EXT1: variants seen among roughly 807,000 people sequenced by gnomAD.
EXT1 encodes the protein exostosin glycosyltransferase 1.
Under a neutral mutation model 82.5 loss-of-function variants are expected in EXT1, and 20 were observed. The ratio of observed to expected loss-of-function variants is 0.24; its 90% CI spans 0.17 to 0.35. The LOEUF (loss-of-function observed/expected upper bound fraction) is 0.35. Ranked by LOEUF, EXT1 falls within the 10% of genes least tolerant of loss-of-function variation. The pLI is 1.00. For missense variants in EXT1, 757 were observed against 936.5 expected (o/e 0.81, Z 2.50); for synonymous variants, 348 against 350.8 (o/e 0.99, Z 0.09).
intron 1 of EXT1, among the ~76,000 whole-genome samples, chr8:118,060,835 A>G (rs573577163): frequency 1.4e-4 from 21 of 152,346 alleles, no homozygotes; most frequent in African/African-American, 5.1e-4. Flanking sequence ...TTGGAGCACA[A>G]GTATTATTCT....
chr8:118,066,636 C>T (rs1484317282), intron 1 of EXT1, among the ~76,000 whole-genome samples: 1 of 152,138 alleles, frequency 6.6e-6, no homozygotes, highest in Non-Finnish European at 1.5e-5. Context: ...GCTGGGATTA[C>T]ACATGTGAAC....
chr8:117,945,480 C>T (rs868182001), intron 1 of EXT1, among the ~76,000 whole-genome samples: 12 of 152,154 alleles, frequency 7.9e-5, no homozygotes, highest in African/African-American at 2.4e-4. Flanking sequence ...TTTCCTCTTC[C>T]AGTTGAAGTG....
At chr8:117,971,139 G>T (rs969368880) in intron 1 of EXT1, among the ~76,000 whole-genome samples, 10 of 152,168 alleles carry the variant, frequency 6.6e-5, no homozygotes, top group African/African-American at 2.4e-4. Context: ...CTTGCCCTCA[G>T]CTTCCCGAAA....
intron 1 of EXT1, among the ~76,000 whole-genome samples, chr8:118,010,799 C>T (rs1046337348): frequency 2.0e-5 from 3 of 152,236 alleles, no homozygotes; most frequent in Non-Finnish European, 4.4e-5. Context: ...TCACATCTCA[C>T]TCTTCCTCAC....
At chr8:118,084,262 A>C (rs1817381795) in intron 1 of EXT1, among the ~76,000 whole-genome samples, 1 of 152,184 alleles carries the variant, frequency 6.6e-6, no homozygotes, top group South Asian at 2.1e-4. Flanking sequence ...AACTCTCCCA[A>C]GCTAGAATAA....
chr8:118,103,077 C>T (rs995773733), intron 1 of EXT1, among the ~76,000 whole-genome samples: 12 of 152,244 alleles, frequency 7.9e-5, no homozygotes, highest in African/African-American at 2.6e-4. Context: ...CGCTTGAATC[C>T]GGGAGGAGGA....
chr8:117,973,930 CAAGGAAGGAAGGAAGGAAGGAAGG>C (rs759924955), intron 1 of EXT1, among the ~76,000 whole-genome samples: 4 of 79,500 alleles, frequency 5.0e-5, no homozygotes, highest in South Asian at 5.3e-4. Flanking sequence ...AGGCAGAAAG[CAAGGAAGGAAGGAAGGAAGGAAGG>C]AAGGAAGGAA....
intron 2 of EXT1, among the ~76,000 whole-genome samples, chr8:117,835,967 C>T (rs1321563549): frequency 6.6e-6 from 1 of 152,154 alleles, no homozygotes; most frequent in Admixed American, 6.5e-5. Context: ...AGTGGTTTAC[C>T]CCAATGTCAT....
intron 1 of EXT1, among the ~76,000 whole-genome samples, chr8:117,873,750 C>CA (rs1033885418): frequency 6.6e-6 from 1 of 152,088 alleles, no homozygotes; most frequent in African/African-American, 2.4e-5. Flanking sequence ...GCCACCGCGC[C>CA]CAGTCTCACT....
At chr8:118,063,209 A>C (rs1816913784) in intron 1 of EXT1, among the ~76,000 whole-genome samples, 1 of 152,196 alleles carries the variant, frequency 6.6e-6, no homozygotes, top group South Asian at 2.1e-4. Context: ...TATAGTAAAA[A>C]AAAAATTCAA....
intron 1 of EXT1, among the ~76,000 whole-genome samples, chr8:117,913,576 C>A (rs1278425278): frequency 6.6e-6 from 1 of 152,132 alleles, no homozygotes; most frequent in Non-Finnish European, 1.5e-5. Context: ...AGACGCTAAC[C>A]CAGTTTGGTC....
At chr8:117,951,727 T>C (rs1814495322) in intron 1 of EXT1, among the ~76,000 whole-genome samples, 2 of 152,212 alleles carry the variant, frequency 1.3e-5, no homozygotes, top group Non-Finnish European at 2.9e-5. Context: ...ACGTGGACTA[T>C]GTCAGGTCTA....
chr8:117,803,239 G>A (rs1823192293), intron 10 of EXT1, among the ~76,000 whole-genome samples: 1 of 151,780 alleles, frequency 6.6e-6, no homozygotes, highest in East Asian at 1.9e-4. Context: ...CTGTCACCCA[G>A]CCTGAAGTGC....
At position 117,887,051 on chromosome 8, in the gene EXT1, C is replaced by T. The variant is rs1813158219; in HGVS notation, c.963-49850G>A. 2.0e-5 allele frequency among the ~76,000 whole-genome samples: 3 copies of T among 152,142 alleles called. No individual in the cohort carries two copies. In the South Asian group the frequency reaches 6.2e-4, roughly 31 times the overall value. On this transcript the variant is annotated intron_variant, in intron 1 of 10. Coordinates refer to ENST00000378204, the MANE Select transcript of EXT1 (RefSeq NM_000127.3). ...AATGAAATAAATCATAGTAGGCATG[C>T]CATTGACGATATAGCCTCTGTTTAA...
intron 1 of EXT1, among the ~76,000 whole-genome samples, chr8:118,064,982 A>C (rs1476987629): frequency 6.6e-6 from 1 of 151,528 alleles, no homozygotes; most frequent in Non-Finnish European, 1.5e-5. Flanking sequence ...CCTCCTGAGT[A>C]GCCAGGATTA....
At chr8:117,841,567 G>A (rs754614170) in intron 1 of EXT1, among the ~76,000 whole-genome samples, 5 of 152,124 alleles carry the variant, frequency 3.3e-5, no homozygotes, top group Non-Finnish European at 7.4e-5. Context: ...GTAGGTGAGG[G>A]AGACAACTAA....
At chr8:118,107,681 T>A (rs192556321) in intron 1 of EXT1, among the ~76,000 whole-genome samples, 4 of 152,338 alleles carry the variant, frequency 2.6e-5, no homozygotes, top group African/African-American at 7.2e-5. Flanking sequence ...ATTTGAGAGT[T>A]CTTGCTTCAT....
chr8:118,089,077 A>G (rs1488031059), intron 1 of EXT1, among the ~76,000 whole-genome samples: 1 of 152,182 alleles, frequency 6.6e-6, no homozygotes, highest in Non-Finnish European at 1.5e-5. Context: ...AAATGGAAAA[A>G]ATAAATTGTA....
chr8:117,981,432 C>T (rs1484124422), intron 1 of EXT1, among the ~76,000 whole-genome samples: 1 of 152,226 alleles, frequency 6.6e-6, no homozygotes, highest in African/African-American at 2.4e-5. Context: ...GAGCTACCCA[C>T]TAATTTATAA....
Sources: allele counts gnomAD v4.1 joint callset (sites outside exome capture counted in the v4.1 genomes callset), GRCh38; gene constraint gnomAD v4.1.1; transcripts MANE v1.5; gene names NCBI Gene and HGNC (gene_info 2026-07-23, HGNC 2026-07-21).